KCNT2: variants seen among roughly 807,000 people sequenced by gnomAD.
KCNT2 encodes potassium sodium-activated channel subfamily T member 2, also known as potassium channel subfamily T member 2.
KCNT2 carries 67 observed loss-of-function variants against 153.8 expected under a neutral mutation model. That is an observed-to-expected ratio of 0.44 (90% CI 0.36 to 0.53). The LOEUF (loss-of-function observed/expected upper bound fraction) is 0.53, where lower values mean the gene tolerates loss of function less well. Among genes scored for constraint, KCNT2 ranks in the 20% least tolerant of loss-of-function variants. KCNT2 has a pLI of 0.00. For missense variants in KCNT2, 975 were observed against 1,354.8 expected (o/e 0.72, Z 4.40); for synonymous variants, 500 against 458.8 (o/e 1.09, Z -1.15).
At chr1:196,539,461 A>G (rs929500323) in intron 1 of KCNT2, among the ~76,000 whole-genome samples, 1 of 152,194 alleles carries the variant, frequency 6.6e-6, no homozygotes, top group African/African-American at 2.4e-5. Context: ...AGTATATTAC[A>G]CTTTATGCAC....
chr1:196,592,583 G>C (rs1354914997), intron 1 of KCNT2, among the ~76,000 whole-genome samples: 1 of 145,440 alleles, frequency 6.9e-6, no homozygotes, highest in Non-Finnish European at 1.5e-5. Context: ...GTTTTATATA[G>C]TTAGAAAGTT....
intron 14 of KCNT2, among the ~76,000 whole-genome samples, chr1:196,362,422 A>G (rs1024383613): frequency 6.6e-6 from 1 of 152,114 alleles, no homozygotes. Flanking sequence ...CAGACAAGGA[A>G]GATCTCATGG....
At chr1:196,340,014 T>G (rs1665462191) in intron 16 of KCNT2, among the ~76,000 whole-genome samples, 1 of 152,054 alleles carries the variant, frequency 6.6e-6, no homozygotes, top group African/African-American at 2.4e-5. Flanking sequence ...TTTTGTAATA[T>G]CTTAGATTGA....
At chr1:196,421,811 T>C (rs1572393435) in intron 12 of KCNT2, among the ~76,000 whole-genome samples, 1 of 152,000 alleles carries the variant, frequency 6.6e-6, no homozygotes, top group Non-Finnish European at 1.5e-5. Context: ...GTTGGCAGGG[T>C]TGGATCTTCC....
In KCNT2 at chr1:196,480,009, G is replaced by T. The variant is rs537290354; in HGVS notation, c.325-771C>A. ...CAATTCCCCTTGTGCAGATAGAAGT[G>T]TTAGTACTATCTTCCTACGTATCCT... On this transcript the variant is annotated intron_variant, in intron 4 of 27. Coordinates refer to ENST00000294725, the MANE Select transcript of KCNT2 (RefSeq NM_198503.5). 2.4e-4 allele frequency among the ~76,000 whole-genome samples: 36 copies of T among 152,288 alleles called. No homozygotes were observed. The South Asian group carries it at 7.2e-3, about 31-fold the overall frequency.
At chr1:196,364,163 A>G (rs1667853435) in intron 14 of KCNT2, among the ~76,000 whole-genome samples, 1 of 152,184 alleles carries the variant, frequency 6.6e-6, no homozygotes, top group Non-Finnish European at 1.5e-5. Context: ...CCTTCTTTTG[A>G]TAATTGCACT....
chr1:196,434,008 A>C (rs963796191), intron 8 of KCNT2, among the ~76,000 whole-genome samples: 9 of 152,036 alleles, frequency 5.9e-5, no homozygotes, highest in Admixed American at 2.0e-4. Context: ...ATGGCCCAGC[A>C]AAATCGCCCT....
chr1:196,551,328 A>G (rs929848738), intron 1 of KCNT2, among the ~76,000 whole-genome samples: 2 of 151,828 alleles, frequency 1.3e-5, no homozygotes, highest in Non-Finnish European at 2.9e-5. Flanking sequence ...GCTTGTGTGA[A>G]GAGTAGGGCT....
At chr1:196,381,940 T>C (rs750785590) in intron 13 of KCNT2, among the ~76,000 whole-genome samples, 1 of 152,168 alleles carries the variant, frequency 6.6e-6, no homozygotes, top group Non-Finnish European at 1.5e-5. Flanking sequence ...GGAAGATTTC[T>C]GGAAGATTTA....
At chr1:196,435,135 G>GTGTATATATA (rs747899287) in intron 8 of KCNT2, among the ~76,000 whole-genome samples, 25 of 76,842 alleles carry the variant, frequency 3.3e-4, no homozygotes, top group Middle Eastern at 9.8e-3. Flanking sequence ...GTGTGTGTGT[G>GTGTATATATA]TATGTATATA....
chr1:196,260,311 G>A (rs143770733), intron 25 of KCNT2, among the ~76,000 whole-genome samples: 1 of 151,786 alleles, frequency 6.6e-6, no homozygotes, highest in African/African-American at 2.4e-5. Flanking sequence ...TTAAATGGGA[G>A]CATAGGGATT....
intron 17 of KCNT2, among the ~76,000 whole-genome samples, chr1:196,333,328 C>A (rs1664677233): frequency 6.6e-6 from 1 of 151,744 alleles, no homozygotes; most frequent in Admixed American, 6.6e-5. Context: ...TTATGGAAGC[C>A]TAGAAAAGGG....
intron 1 of KCNT2, among the ~76,000 whole-genome samples, chr1:196,570,218 G>A (rs1003401283): frequency 1.3e-5 from 2 of 151,942 alleles, no homozygotes; most frequent in African/African-American, 4.8e-5. Flanking sequence ...CTGCTTTTTG[G>A]GTGAAATGCA....
chr1:196,492,227 T>A, intron 2 of KCNT2, 35 bp downstream of exon 2: 1 of 1,378,910 alleles, frequency 7.3e-7, no homozygotes. Flanking sequence ...AGTAAATATA[T>A]GTACGAACAG....
rs193231153 is a variant in KCNT2 at position 196,262,069 on chromosome 1, G to T, written c.2911-3575C>A. The stretch of plus-strand genomic sequence containing the variant: ...TAAGGCTAAAAGTATTTCTTCACAT[G>T]AATAATAATTAAAAACACAAAAAAT... On this transcript the variant is annotated intron_variant, in intron 25 of 27. Transcript: ENST00000294725. 4.7e-3 allele frequency among the ~76,000 whole-genome samples: 712 copies of T among 151,734 alleles called. 4 individuals are homozygous for T. Among genetic ancestry groups the T allele is most frequent in the African/African-American group, 0.017 (691 of 41,466 alleles).
At chr1:196,607,229 CA>C (rs551662959) in intron 1 of KCNT2, among the ~76,000 whole-genome samples, 4 of 152,128 alleles carry the variant, frequency 2.6e-5, no homozygotes, top group Admixed American at 6.5e-5. Flanking sequence ...ACTAAAATAG[CA>C]CATCAATACT....
At chr1:196,232,712 A>G (rs1445436830) in intron 27 of KCNT2, among the ~76,000 whole-genome samples, 1 of 151,602 alleles carries the variant, frequency 6.6e-6, no homozygotes, top group African/African-American at 2.4e-5. Context: ...ACATTGTGAC[A>G]TACATATTTT....
rs536433451 is a variant in KCNT2 at position 196,294,214 on chromosome 1, G to T, written c.2596-8456C>A. On this transcript the variant is annotated intron_variant, in intron 22 of 27. Coordinates refer to ENST00000294725, the MANE Select transcript of KCNT2 (RefSeq NM_198503.5). ...AAGACAAAATAAGTGTTAGCCAGAGGAGTGGAGCAAAGAGAACCCTTTGCA... is the reference window on the plus strand; with the variant it reads ...AAGACAAAATAAGTGTTAGCCAGAGTAGTGGAGCAAAGAGAACCCTTTGCA... Among the ~76,000 whole-genome samples, 222 of 152,248 alleles carry T rather than the reference G, an allele frequency of 1.5e-3. 1 individual carries two copies. The highest frequency in any genetic ancestry group is 5.1e-3 in the African/African-American group (212 of 41,552).
intron 1 of KCNT2, among the ~76,000 whole-genome samples, chr1:196,570,019 G>A (rs1660577920): frequency 7.0e-6 from 1 of 142,676 alleles, no homozygotes; most frequent in Non-Finnish European, 1.5e-5. Context: ...ATGCTAAGAA[G>A]TTCTAACCAA....
Sources: gnomAD v4.1 joint callset for allele counts (sites outside exome capture counted in the v4.1 genomes callset) on GRCh38, gnomAD v4.1.1 for gene constraint, MANE v1.5 for transcripts, NCBI Gene and HGNC (gene_info 2026-07-23, HGNC 2026-07-21) for gene names.